PPME1: variants seen among roughly 807,000 people sequenced by gnomAD.
PPME1 encodes testicular secretory protein Li 39.
In PPME1, 17 loss-of-function variants were observed where a neutral mutation model predicts 56.9. The observed-to-expected ratio is 0.30, with a 90% CI of 0.20 to 0.45. The LOEUF (loss-of-function observed/expected upper bound fraction) is 0.45, where lower values mean the gene tolerates loss of function less well. Among genes scored for constraint, PPME1 ranks in the 20% least tolerant of loss-of-function variants. PPME1 has a pLI of 1.00. For synonymous variants in PPME1, 122 were observed against 156.2 expected (o/e 0.78, Z 1.63); for missense variants, 357 against 483.2 (o/e 0.74, Z 2.45).
intron 5 of PPME1, among the ~76,000 whole-genome samples, chr11:74,228,657 A>G (rs1858990389): frequency 6.6e-6 from 1 of 152,186 alleles, no homozygotes; most frequent in Non-Finnish European, 1.5e-5. Context: ...TAGAAATGCA[A>G]TAATATTTTT....
rs191707194 is a variant in PPME1 at position 74,204,241 on chromosome 11, C to A, written c.196-112C>A. On this transcript the variant is annotated intron_variant, in intron 2 of 13. Transcript: ENST00000328257. ...CAGAAAAGTCTGCTTACATCTCTTA[C>A]ATTTGGCAGTCTGCAGTTTTGCATG... 6,846 of 751,118 alleles carry A rather than the reference C, an allele frequency of 9.1e-3. 55 individuals are homozygous for A. The highest frequency in any genetic ancestry group is 0.011 in the Non-Finnish European group (4,893 of 461,266). 46.5% of individuals were successfully genotyped at this position (751,118 alleles called of 1,614,324 possible). A position where few individuals can be genotyped will look rare whatever the true frequency, so the allele number is the denominator to read the frequency against.
intron 3 of PPME1, among the ~76,000 whole-genome samples, chr11:74,212,735 A>T (rs1858512650): frequency 6.6e-6 from 1 of 152,122 alleles, no homozygotes; most frequent in Admixed American, 6.5e-5. Flanking sequence ...ACAGCATGAC[A>T]CATACTGAGC....
At chr11:74,249,434 A>G (rs2135682101) in intron 11 of PPME1, 1 of 152,338 alleles carries the variant, frequency 6.6e-6, no homozygotes, top group South Asian at 2.1e-4. Context: ...TTACCCATGA[A>G]CATGTTATTT....
intron 1 of PPME1, among the ~76,000 whole-genome samples, chr11:74,194,459 A>G (rs534870385): frequency 2.6e-5 from 4 of 152,046 alleles, no homozygotes; most frequent in Non-Finnish European, 5.9e-5. Flanking sequence ...TTCCCACCTT[A>G]CTTAACTTTT....
At chr11:74,252,250 T>TTG (rs1199197378) in intron 13 of PPME1, among the ~76,000 whole-genome samples, 1 of 141,326 alleles carries the variant, frequency 7.1e-6, no homozygotes, top group African/African-American at 3.1e-5. Context: ...TTTTTTTTTT[T>TTG]GTTTTTTTTT....
At position 74,230,781 on chromosome 11, in the gene PPME1, C is replaced by T. The variant is rs925514715; in HGVS notation, c.554-131C>T. On this transcript the variant is annotated intron_variant, in intron 6 of 13. Transcript: ENST00000328257. This position sits in a 1 kb window ranked among gnomAD's most constrained non-coding sequence, Gnocchi z 4.9. ...CCCCAGAGGCAAAAATTATTGAGGG[C>T]CATCTTTATTTCTCTGCGAGCATCA... The T allele has an allele frequency of 4.1e-6, 3 of 738,130 alleles. No homozygotes were observed. The highest frequency in any genetic ancestry group is 1.8e-5 in the African/African-American group (1 of 56,206). The allele number at this position is 738,130 out of a possible 1,614,324, so 45.7% of individuals were successfully genotyped here. A position where few individuals can be genotyped will look rare whatever the true frequency, so the allele number is the denominator to read the frequency against.
chr11:74,211,588 G>A (rs1300238205), intron 3 of PPME1, among the ~76,000 whole-genome samples: 2 of 152,068 alleles, frequency 1.3e-5, no homozygotes, highest in Non-Finnish European at 2.9e-5. Context: ...CAAAAGAAGT[G>A]AAAGCCATAA....
intron 1 of PPME1, among the ~76,000 whole-genome samples, chr11:74,200,681 C>A (rs1296311848): frequency 1.3e-5 from 2 of 151,860 alleles, no homozygotes; most frequent in African/African-American, 4.8e-5. Flanking sequence ...CCGTGCCTGG[C>A]CCAATTATGT....
intron 5 of PPME1, among the ~76,000 whole-genome samples, chr11:74,226,301 G>A (rs1858930256): frequency 6.6e-6 from 1 of 152,092 alleles, no homozygotes; most frequent in South Asian, 2.1e-4. Flanking sequence ...TGAGGAAACT[G>A]GCTCATATAG....
chr11:74,208,904 G>A (rs913412489), intron 3 of PPME1, among the ~76,000 whole-genome samples: 6 of 152,148 alleles, frequency 3.9e-5, no homozygotes, highest in Non-Finnish European at 7.4e-5. Flanking sequence ...AATATGTTTT[G>A]GAAATTATAA....
intron 1 of PPME1, among the ~76,000 whole-genome samples, chr11:74,188,379 G>T (rs7113898): frequency 0.099 from 15,030 of 151,608 alleles, 2,059 homozygotes; most frequent in African/African-American, 0.31. Context: ...TAAAGATGGG[G>T]TTTCACCATC....
At chr11:74,177,193 G>C (rs1049888708) in intron 1 of PPME1, among the ~76,000 whole-genome samples, 1 of 152,074 alleles carries the variant, frequency 6.6e-6, no homozygotes, top group South Asian at 2.1e-4. Context: ...AGGCTCAGTG[G>C]TCCATGCCTG....
chr11:74,204,023 G>T (rs552252382), intron 2 of PPME1, among the ~76,000 whole-genome samples: 68 of 152,240 alleles, frequency 4.5e-4, no homozygotes, highest in African/African-American at 1.5e-3. Flanking sequence ...AAGGGATTAA[G>T]AATTAAATTC....
chr11:74,246,823 A>G (rs1859516472), intron 10 of PPME1, among the ~76,000 whole-genome samples: 1 of 152,208 alleles, frequency 6.6e-6, no homozygotes, highest in Admixed American at 6.5e-5. Flanking sequence ...CTAGAGCTAG[A>G]TGCAGTGGTA....
intron 1 of PPME1, among the ~76,000 whole-genome samples, chr11:74,201,010 CTG>C (rs1446059093): frequency 6.6e-6 from 1 of 151,398 alleles, no homozygotes; most frequent in Non-Finnish European, 1.5e-5. Context: ...GAGTCTCGCT[CTG>C]TAACCCAAGC....
chr11:74,215,232 T>G (rs1858599149), intron 3 of PPME1, among the ~76,000 whole-genome samples: 1 of 152,004 alleles, frequency 6.6e-6, no homozygotes, highest in Non-Finnish European at 1.5e-5. Flanking sequence ...ACCCAGCTAC[T>G]TGGGAGGCTG....
chr11:74,178,323 A>G (rs1407663921), intron 1 of PPME1, among the ~76,000 whole-genome samples: 1 of 152,158 alleles, frequency 6.6e-6, no homozygotes, highest in African/African-American at 2.4e-5. Flanking sequence ...TTTTCCCTTA[A>G]GTCTTATTGT....
chr11:74,185,789 A>G (rs1041802838), intron 1 of PPME1, among the ~76,000 whole-genome samples: 7 of 152,102 alleles, frequency 4.6e-5, no homozygotes, highest in African/African-American at 1.7e-4. Context: ...TTTATTATCA[A>G]AGGTATAAGA....
In PPME1 at chr11:74,206,982, CA is replaced by C. The variant is rs540191240; in HGVS notation, c.288+2538del. Among the ~76,000 whole-genome samples, 339 of 152,252 alleles carry C rather than the reference CA, an allele frequency of 2.2e-3. 2 individuals carry two copies. Among genetic ancestry groups the C allele is most frequent in the African/African-American group, 7.8e-3 (324 of 41,532 alleles). On this transcript the variant is annotated intron_variant, in intron 3 of 13. Coordinates refer to ENST00000328257, the MANE Select transcript of PPME1 (RefSeq NM_016147.3). ...TTTTCTGTAATACTATGAGATTAGC[CA>C]GATAAGGACTGAAATTTAGAGAAGT...
Sources: gnomAD v4.1 joint callset for allele counts (sites outside exome capture counted in the v4.1 genomes callset) on GRCh38, gnomAD v4.1.1 for gene constraint, Gnocchi (gnomAD v3.1) non-coding constraint, MANE v1.5 for transcripts, NCBI Gene and HGNC (gene_info 2026-07-23, HGNC 2026-07-21) for gene names.